STAC: variants seen among roughly 807,000 people sequenced by gnomAD.
STAC encodes SH3 and cysteine rich domain.
In STAC, 43 loss-of-function variants were observed where a neutral mutation model predicts 48.8. The ratio of observed to expected loss-of-function variants is 0.88; its 90% CI spans 0.69 to 1.14. The LOEUF (loss-of-function observed/expected upper bound fraction) is 1.14, where lower values mean the gene tolerates loss of function less well. Ranked by LOEUF, STAC falls within the 50% of genes most tolerant of loss-of-function variation. The pLI is 0.00. For synonymous variants in STAC, 193 were observed against 179.5 expected (o/e 1.07, Z -0.60); for missense variants, 497 against 504.0 (o/e 0.99, Z 0.13).
chr3:36,399,564 G>A (rs531903634), intron 1 of STAC, among the ~76,000 whole-genome samples: 3 of 152,258 alleles, frequency 2.0e-5, no homozygotes, highest in African/African-American at 4.8e-5. Flanking sequence ...GATAGCACTT[G>A]GCAAGATTTC....
At chr3:36,518,997 C>T (rs1177585373) in intron 8 of STAC, among the ~76,000 whole-genome samples, 3 of 152,102 alleles carry the variant, frequency 2.0e-5, no homozygotes, top group African/African-American at 4.8e-5. Flanking sequence ...AGGTAACTTA[C>T]AGCAGCCTCA....
At chr3:36,515,568 T>G (rs1240819177) in intron 8 of STAC, among the ~76,000 whole-genome samples, 1 of 152,186 alleles carries the variant, frequency 6.6e-6, no homozygotes, top group African/African-American at 2.4e-5. Context: ...TGATTAATGC[T>G]CACTGAATCC....
At chr3:36,389,321 T>C (rs1699702029) in intron 1 of STAC, among the ~76,000 whole-genome samples, 1 of 152,160 alleles carries the variant, frequency 6.6e-6, no homozygotes, top group Non-Finnish European at 1.5e-5. Context: ...TCCTGGTTTA[T>C]AGATGGAATC....
At chr3:36,441,792 T>C (rs959983388) in intron 1 of STAC, among the ~76,000 whole-genome samples, 4 of 152,244 alleles carry the variant, frequency 2.6e-5, no homozygotes, top group Admixed American at 2.0e-4. Flanking sequence ...TGGAGTGAGA[T>C]GATACTTCAC....
chr3:36,536,896 C>T (rs1038537205), intron 10 of STAC, among the ~76,000 whole-genome samples: 7 of 150,202 alleles, frequency 4.7e-5, no homozygotes, highest in Admixed American at 6.6e-5. Flanking sequence ...AGGACAAGAA[C>T]AGACACTTCT....
At chr3:36,533,475 GTTTTTTTTTTTTT>G (rs58981589) in intron 10 of STAC, among the ~76,000 whole-genome samples, 1 of 61,396 alleles carries the variant, frequency 1.6e-5, no homozygotes, top group South Asian at 7.8e-4. Flanking sequence ...TTGCTAGCAT[GTTTTTTTTTTTTT>G]TTTTTTTTTT....
intron 1 of STAC, among the ~76,000 whole-genome samples, chr3:36,388,909 T>C (rs1699680495): frequency 6.6e-6 from 1 of 152,138 alleles, no homozygotes; most frequent in Non-Finnish European, 1.5e-5. Context: ...AATAATAGAG[T>C]TTGATAATTA....
At chr3:36,395,763 T>C (rs1027056446) in intron 1 of STAC, among the ~76,000 whole-genome samples, 1 of 152,154 alleles carries the variant, frequency 6.6e-6, no homozygotes, top group African/African-American at 2.4e-5. Flanking sequence ...CTATGTTGCT[T>C]GGTCCATGTA....
chr3:36,491,303 TTA>T (rs1482618093), intron 5 of STAC, among the ~76,000 whole-genome samples: 2 of 152,238 alleles, frequency 1.3e-5, no homozygotes, highest in African/African-American at 2.4e-5. Context: ...TTCCAAATTG[TTA>T]TGTTTTCCTC....
At chr3:36,419,643 A>G (rs1194894442) in intron 1 of STAC, among the ~76,000 whole-genome samples, 2 of 152,060 alleles carry the variant, frequency 1.3e-5, no homozygotes, top group Admixed American at 6.5e-5. Context: ...GGCCTGACAG[A>G]AAGTTTTTTG....
chr3:36,444,428 C>T (rs1696447514), intron 2 of STAC, among the ~76,000 whole-genome samples: 1 of 152,222 alleles, frequency 6.6e-6, no homozygotes, highest in Non-Finnish European at 1.5e-5. Flanking sequence ...CTGATCCAGA[C>T]TCAGCTTTGT....
At chr3:36,485,385 A>G (rs955153755) in intron 4 of STAC, among the ~76,000 whole-genome samples, 8 of 152,210 alleles carry the variant, frequency 5.3e-5, no homozygotes, top group Non-Finnish European at 1.2e-4. Flanking sequence ...CCAGCTCCCT[A>G]TTGACAACTG....
At chr3:36,399,063 A>G (rs1330576523) in intron 1 of STAC, among the ~76,000 whole-genome samples, 1 of 152,188 alleles carries the variant, frequency 6.6e-6, no homozygotes. Flanking sequence ...CCCCTCCCTT[A>G]AGGAAATATG....
intron 10 of STAC, among the ~76,000 whole-genome samples, chr3:36,531,411 T>TTA: frequency 6.6e-6 from 1 of 152,264 alleles, no homozygotes; most frequent in Middle Eastern, 3.4e-3. Context: ...TTTGATGGTG[T>TTA]TATGATAATA....
At chr3:36,453,448 C>T (rs1001806725) in intron 2 of STAC, among the ~76,000 whole-genome samples, 4 of 152,188 alleles carry the variant, frequency 2.6e-5, no homozygotes, top group East Asian at 1.9e-4. Context: ...AGAGGCCGGC[C>T]GGCCCCACCG....
At chr3:36,431,004 G>A (rs79750492) in intron 1 of STAC, among the ~76,000 whole-genome samples, 30,384 of 152,080 alleles carry the variant, frequency 0.2, 3,210 homozygotes, top group Admixed American at 0.23. Flanking sequence ...CAATTCACCC[G>A]GTAGCAAATA....
At chr3:36,460,375 AT>A (rs1433755084) in intron 2 of STAC, among the ~76,000 whole-genome samples, 1 of 152,128 alleles carries the variant, frequency 6.6e-6, no homozygotes, top group East Asian at 1.9e-4. Context: ...TAAACGACAA[AT>A]TTTTTTAATA....
At chr3:36,403,348 A>T (rs750640765) in intron 1 of STAC, among the ~76,000 whole-genome samples, 1 of 152,224 alleles carries the variant, frequency 6.6e-6, no homozygotes, top group Non-Finnish European at 1.5e-5. Flanking sequence ...TGAAATATTG[A>T]AAGTTGACAC....
At chr3:36,510,915 C>T (rs1301456700) in intron 8 of STAC, among the ~76,000 whole-genome samples, 1 of 151,698 alleles carries the variant, frequency 6.6e-6, no homozygotes, top group Non-Finnish European at 1.5e-5. Flanking sequence ...ATGTAACAAA[C>T]CTGCACGTTC....
Sources: gnomAD v4.1 joint callset for allele counts (sites outside exome capture counted in the v4.1 genomes callset) on GRCh38, gnomAD v4.1.1 for gene constraint, MANE v1.5 for transcripts, NCBI Gene and HGNC (gene_info 2026-07-23, HGNC 2026-07-21) for gene names.